KIR3DL2: variants seen among roughly 807,000 people sequenced by gnomAD.
KIR3DL2 encodes the protein killer cell immunoglobulin like receptor, three Ig domains and long cytoplasmic tail 2, also known as killer cell immunoglobulin-like receptor 3DL2.
A neutral mutation model predicts 41.6 loss-of-function variants in KIR3DL2; 42 were observed. That is an observed-to-expected ratio of 1.01 (90% CI 0.79 to 1.31). KIR3DL2 has a LOEUF of 1.31. Ranked by LOEUF, KIR3DL2 falls within the 50% of genes most tolerant of loss-of-function variation. The pLI is 0.00. For missense variants in KIR3DL2, 728 were observed against 576.8 expected (o/e 1.26, Z -2.68); for synonymous variants, 230 against 221.3 (o/e 1.04, Z -0.35).
chr19:54,852,217 G>T lies in KIR3DL2; in HGVS notation c.290G>T (p.Gly97Val). Residue 97 changes from glycine to valine, a missense_variant, in exon 3 of 9, where the codon GGT becomes GTT. Physicochemically the swap from Gly to Val is moderately radical, Grantham distance 109 (BLOSUM62 -3). Transcript: ENST00000326321. Reference protein sequence around the residue: ...PAHAGTYRCRGSRPHSLTGWS... With the variant: ...PAHAGTYRCRVSRPHSLTGWS... ...CATGCAGGGACCTACAGATGTCGGG[G>T]TTCACGCCCACACTCCCTCACTGGG... 6.2e-7 allele frequency: 1 copy of T among 1,611,824 alleles called. No individual in the cohort carries two copies. The highest frequency in any genetic ancestry group is 8.5e-7 in the Non-Finnish European group (1 of 1,178,964).
Position 54,855,673 on chromosome 19 carries a change from G to C in KIR3DL2, c.710G>C (p.Gly237Ala). 6.2e-7 allele frequency: 1 copy of C among 1,613,538 alleles called. No individual in the cohort carries two copies. Among genetic ancestry groups the C allele is most frequent in the Non-Finnish European group, 8.5e-7 (1 of 1,179,974 alleles). ...SAQPGPTVQA[G>A]ENVTLSCSSW... ...CAGCCGGGCCCCACGGTTCAGGCAGGAGAGAACGTGACCTTGTCCTGTAGC... is the reference window on the plus strand; with the variant it reads ...CAGCCGGGCCCCACGGTTCAGGCAGCAGAGAACGTGACCTTGTCCTGTAGC... The change falls in exon 5 of 9, where the codon GGA becomes GCA. Residue 237 changes from glycine to alanine, a missense_variant. Transcript: ENST00000326321.
intron 6 of KIR3DL2, among the ~76,000 whole-genome samples, chr19:54,863,212 T>G (rs1206097631): frequency 1.3e-5 from 2 of 151,880 alleles, no homozygotes. Flanking sequence ...TGCATAGTAT[T>G]CCATGGTGTA....
intron 6 of KIR3DL2, among the ~76,000 whole-genome samples, chr19:54,865,602 C>G (rs2065447197): frequency 6.6e-6 from 1 of 152,074 alleles, no homozygotes; most frequent in South Asian, 2.1e-4. Flanking sequence ...AACATCTAAA[C>G]TAAAGCAGCT....
In KIR3DL2 at chr19:54,850,516, C is replaced by T. The variant is rs2064092574; in HGVS notation, c.34+7C>T. On this transcript the variant is annotated splice_region_variant and intron_variant, in intron 1 of 8. Coordinates refer to ENST00000326321, the MANE Select transcript of KIR3DL2 (RefSeq NM_006737.4). ...GTCAGCATGGCGTGCGTTGGTGAGT[C>T]CTGGAAGGGAATAGAGGGAGGGAGA... 6.2e-7 allele frequency: 1 copy of T among 1,609,320 alleles called. No homozygotes were observed. Among genetic ancestry groups the T allele is most frequent in the Non-Finnish European group, 8.5e-7 (1 of 1,179,822 alleles).
intron 6 of KIR3DL2, among the ~76,000 whole-genome samples, chr19:54,862,894 G>A (rs1601820904): frequency 7.7e-6 from 1 of 130,070 alleles, no homozygotes; most frequent in African/African-American, 2.9e-5. Flanking sequence ...TAGGGTACAT[G>A]TGCACAATGT....
chr19:54,851,912 G>A (rs1601723500), intron 2 of KIR3DL2, 86 bp from the exon 3 acceptor site: 9 of 1,534,884 alleles, frequency 5.9e-6, no homozygotes, highest in South Asian at 2.2e-5. Flanking sequence ...GCCTTAGAAA[G>A]CGGAAATGGG....
chr19:54,862,979 A>G (rs961891399), intron 6 of KIR3DL2, among the ~76,000 whole-genome samples: 2 of 142,942 alleles, frequency 1.4e-5, no homozygotes, highest in Admixed American at 1.4e-4. Context: ...AGCATTAGGT[A>G]TATCTCCTAA....
intron 6 of KIR3DL2, among the ~76,000 whole-genome samples, chr19:54,862,892 A>C (rs1265963493): frequency 7.3e-6 from 1 of 136,376 alleles, no homozygotes; most frequent in East Asian, 2.1e-4. Flanking sequence ...TTTAGGGTAC[A>C]TGTGCACAAT....
intron 7 of KIR3DL2, 78 bp from the exon 8 acceptor site, chr19:54,866,292 T>C: frequency 6.8e-7 from 1 of 1,469,822 alleles, no homozygotes. Context: ...AGCCTCCCCC[T>C]GTGGGTTGGT....
intron 1 of KIR3DL2, 48 bp from the exon 2 acceptor site, chr19:54,851,172 C>G: frequency 6.2e-7 from 1 of 1,605,380 alleles, no homozygotes; most frequent in Non-Finnish European, 8.5e-7. Context: ...CAGCAGGGTG[C>G]CCTGGTTTGC....
rs141013090 is a variant in KIR3DL2, at chr19:54,865,889, G to A, written c.1085G>A (p.Arg362His). The change falls in exon 7 of 9, where the codon CGC (arginine) becomes CAC (histidine). Residue 362 changes from arginine (R) to histidine (H), a missense_variant. Arg to His is a conservative substitution (Grantham distance 29). Transcript: ENST00000326321. Reference protein sequence around the residue: ...FILLLFFLLYRWCSNKKNAAV... With the variant: ...FILLLFFLLYHWCSNKKNAAV... The stretch of plus-strand genomic sequence containing the variant: ...CTCCTCCTCTTCTTTCTCCTTTATC[G>A]CTGGTGCTCCAACAAAAAGAGTAAG... The A allele has an allele frequency of 1.9e-4, 302 of 1,612,874 alleles. 1 individual carries two copies. Among genetic ancestry groups the A allele is most frequent in the Non-Finnish European group, 2.0e-4 (233 of 1,179,374 alleles).
Position 54,855,906 on chromosome 19 carries a change from G to C in KIR3DL2, c.943G>C (p.Val315Leu), listed in dbSNP as rs750603642. The C allele has an allele frequency of 1.1e-4, 170 of 1,613,368 alleles. 1 individual carries two copies. The highest frequency in any genetic ancestry group is 1.4e-4 in the Non-Finnish European group (167 of 1,179,924). Residue 315 changes from valine to leucine, a missense_variant, in exon 5 of 9, where the codon GTC becomes CTC. Transcript: ENST00000326321. ...SNSSDPLLVSVTGNPSSSWPS... is the reference protein window; with the variant it reads ...SNSSDPLLVSLTGNPSSSWPS... ...CTCAAGTGACCCACTGCTTGTTTCT[G>C]TCACAGGTGAGGAAAACCCGTGTCT...
chr19:54,851,469 G>C lies in KIR3DL2; in HGVS notation c.70+214G>C, dbSNP rs1347331552. Among the ~76,000 whole-genome samples, 22 of 151,230 alleles carry C rather than the reference G, an allele frequency of 1.5e-4. 1 individual carries two copies. The highest frequency in any genetic ancestry group is 5.4e-4 in the African/African-American group (22 of 40,738). On this transcript the variant is annotated intron_variant, in intron 2 of 8. Coordinates refer to ENST00000326321, the MANE Select transcript of KIR3DL2 (RefSeq NM_006737.4). ...CTGGGGTGAGACTGGGGTGCTCCAA[G>C]CTGGGGTGTGCAGGGAGGAAGTGGT...
intron 6 of KIR3DL2, among the ~76,000 whole-genome samples, chr19:54,864,158 C>G (rs765553790): frequency 0.042 from 6,388 of 151,876 alleles, 170 homozygotes; most frequent in Middle Eastern, 0.092. Context: ...TCAAAGATCA[C>G]ATAGTTGTAG....
At position 54,853,851 on chromosome 19, in the gene KIR3DL2, T is replaced by C. The variant is rs1403055929; in HGVS notation, c.460T>C (p.Phe154Leu). ...CWSDVMFEHFFLHREGISEDP... is the reference protein window; with the variant it reads ...CWSDVMFEHFLLHREGISEDP... ...GTCAGATGTCATGTTTGAGCACTTC[T>C]TTCTGCACAGAGAGGGGATCTCTGA... The change falls in exon 4 of 9, where the codon TTT becomes CTT. Residue 154 changes from phenylalanine to leucine, a missense_variant. Transcript: ENST00000326321. The C allele has an allele frequency of 2.0e-5, 32 of 1,613,084 alleles. No individual in the cohort carries two copies. The highest frequency in any genetic ancestry group is 3.3e-5 in the South Asian group (3 of 91,080).
At position 54,853,915 on chromosome 19, in the gene KIR3DL2, T is replaced by G. The variant is rs201718254; in HGVS notation, c.524T>G (p.Val175Gly). ...SRLVGQIHDG[V>G]SKANFSIGPL... ...CTCGTTGGACAGATCCATGATGGGG[T>G]CTCCAAGGCCAACTTCTCCATCGGT... The change falls in exon 4 of 9, where the codon GTC becomes GGC. Residue 175 changes from valine (V) to glycine (G), a missense_variant. Coordinates refer to ENST00000326321, the MANE Select transcript of KIR3DL2 (RefSeq NM_006737.4). 5.0e-6 allele frequency: 8 copies of G among 1,613,174 alleles called. No homozygotes were observed. The highest frequency in any genetic ancestry group is 6.8e-6 in the Non-Finnish European group (8 of 1,179,800).
At chr19:54,860,974 T>C (rs2065132723) in intron 6 of KIR3DL2, among the ~76,000 whole-genome samples, 1 of 136,924 alleles carries the variant, frequency 7.3e-6, no homozygotes, top group Admixed American at 7.9e-5. Flanking sequence ...ACAAGGAGCG[T>C]GTGTTTGACA....
intron 6 of KIR3DL2, among the ~76,000 whole-genome samples, chr19:54,864,663 G>C (rs999001443): frequency 2.6e-5 from 4 of 151,986 alleles, no homozygotes; most frequent in African/African-American, 9.7e-5. Flanking sequence ...CTGTTTGTCT[G>C]TTATTGGTGT....
At chr19:54,857,293 T>C (rs1262261227) in intron 5 of KIR3DL2, among the ~76,000 whole-genome samples, 1 of 151,334 alleles carries the variant, frequency 6.6e-6, no homozygotes, top group Non-Finnish European at 1.5e-5. Flanking sequence ...ATATCCCAAT[T>C]TTGGGCAGGC....
Sources: gnomAD v4.1 joint callset for allele counts (sites outside exome capture counted in the v4.1 genomes callset) on GRCh38, gnomAD v4.1.1 for gene constraint, MANE v1.5 for transcripts, NCBI Gene and HGNC (gene_info 2026-07-23, HGNC 2026-07-21) for gene names.